Variants in EML6 observed in about 807,000 individuals in gnomAD.
EML6 encodes the protein echinoderm microtubule-associated protein-like 6.
A neutral mutation model predicts 240.1 loss-of-function variants in EML6; 154 were observed. The observed-to-expected ratio is 0.64, with a 90% CI of 0.56 to 0.73. The LOEUF is 0.73. EML6 is among the 30% of genes least tolerant of loss of function. The pLI is 0.00. For synonymous variants in EML6, 1,148 were observed against 899.0 expected, an observed-to-expected ratio of 1.28 and a Z score of -4.95; for missense variants, 2,964 against 2,474.6, an observed-to-expected ratio of 1.20 and a Z score of -4.20.
At chr2:54,880,656 C>A (rs892610791) in intron 17 of EML6, 11 of 152,190 alleles carry the variant, frequency 7.2e-5, no homozygotes, top group Admixed American at 3.9e-4. Flanking sequence ...AATCTGCCTG[C>A]CCAAGTGGTT....
intron 17 of EML6, among the ~76,000 whole-genome samples, chr2:54,886,592 C>T (rs1672157930): frequency 6.6e-6 from 1 of 152,196 alleles, no homozygotes; most frequent in Non-Finnish European, 1.5e-5. Context: ...TCCAACTTCT[C>T]CACATTCTGG....
At position 54,788,077 on chromosome 2, in the gene EML6, C is replaced by T. The variant is rs138674891; in HGVS notation, c.198-25155C>T. On this transcript the variant is annotated intron_variant, in intron 2 of 41. Transcript: ENST00000356458. ...GTAAATTAGACCCCCTCCCTTCGCA[C>T]GTGTTTTCTTTAAACTAGCCAACCA... Among the ~76,000 whole-genome samples the T allele has an allele frequency of 6.0e-3, 911 of 152,278 alleles. 10 individuals are homozygous for T. The highest frequency in any genetic ancestry group is 0.018 in the African/African-American group (759 of 41,544).
At chr2:54,942,454 C>T (rs1376247740) in intron 28 of EML6, among the ~76,000 whole-genome samples, 1 of 152,144 alleles carries the variant, frequency 6.6e-6, no homozygotes, top group East Asian at 1.9e-4. Context: ...GGGGAATGGG[C>T]ACTACCAGGG....
At chr2:54,844,003 T>TGTGTGTGTGA (rs1287093036) in intron 7 of EML6, 44 bp from the exon 8 acceptor site, 2 of 1,223,698 alleles carry the variant, frequency 1.6e-6, no homozygotes, top group Admixed American at 4.0e-5. Flanking sequence ...TGTGTGTGTG[T>TGTGTGTGTGA]GAATAGTGTG....
At chr2:54,862,193 G>C (rs1206198149) in intron 12 of EML6, among the ~76,000 whole-genome samples, 2 of 151,754 alleles carry the variant, frequency 1.3e-5, no homozygotes, top group African/African-American at 2.4e-5. Context: ...ACAAAAATTA[G>C]CCAGGCAAGG....
At chr2:54,853,479 C>A (rs1168591407) in intron 10 of EML6, among the ~76,000 whole-genome samples, 164 bp from the exon 11 acceptor site, 6 of 135,314 alleles carry the variant, frequency 4.4e-5, no homozygotes, top group African/African-American at 1.5e-4. Context: ...TGTGGGCTTT[C>A]TTTAAGCCAC....
intron 2 of EML6, among the ~76,000 whole-genome samples, chr2:54,788,289 C>T (rs1669199123): frequency 6.6e-6 from 1 of 152,202 alleles, no homozygotes; most frequent in East Asian, 1.9e-4. Flanking sequence ...GTAAGTAACA[C>T]CGGCTTCTGT....
chr2:54,930,996 C>T lies in EML6; in HGVS notation c.4004+2245C>T, dbSNP rs368146232. On this transcript the variant is annotated intron_variant, in intron 28 of 41. Coordinates refer to ENST00000356458, the MANE Select transcript of EML6 (RefSeq NM_001039753.4). The stretch of plus-strand genomic sequence containing the variant: ...TTTTTGAGACGGAGTCTCGCTCTGT[C>T]GCCCAGGCTGGAGTGCAGTGGCGCG... Among the ~76,000 whole-genome samples, 453 of 125,784 alleles carry T rather than the reference C, an allele frequency of 3.6e-3. 1 individual carries two copies. The highest frequency in any genetic ancestry group is 0.012 in the African/African-American group (394 of 32,358). The allele number at this position is 125,784 out of a possible 152,430, so 82.5% of individuals were successfully genotyped here. A position where few individuals can be genotyped will look rare whatever the true frequency, so the allele number is the denominator to read the frequency against.
rs774224979 is a variant in EML6, at chr2:54,859,640, T to A, written c.1764T>A (p.Val588=). Residue 588 remains valine, a synonymous_variant, in exon 12 of 42, where the codon GTT becomes GTA. Transcript: ENST00000356458. ...GCACAGGAGGGGCTGATCACTCAGTTTTCCAGTGGAGGTTTATTCCAGAAG... is the reference window on the plus strand; with the variant it reads ...GCACAGGAGGGGCTGATCACTCAGTATTCCAGTGGAGGTTTATTCCAGAAG... ...VLSTGGADHS[V]FQWRFIPEGV... 2.6e-5 allele frequency: 40 copies of A among 1,551,220 alleles called. No individual in the cohort carries two copies. The highest frequency in any genetic ancestry group is 3.5e-5 in the Non-Finnish European group (40 of 1,146,864).
At chr2:54,800,747 T>C (rs1670092736) in intron 2 of EML6, among the ~76,000 whole-genome samples, 1 of 152,080 alleles carries the variant, frequency 6.6e-6, no homozygotes, top group Admixed American at 6.5e-5. Flanking sequence ...CAAGCAGCTT[T>C]TTTACTCTCA....
intron 32 of EML6, 50 bp downstream of exon 32, chr2:54,954,206 GTCGAGCCTGTGGGC>G: frequency 6.7e-7 from 1 of 1,493,468 alleles, no homozygotes. Flanking sequence ...GCCTGTGGGT[GTCGAGCCTGTGGGC>G]TCGAACCCAG....
chr2:54,780,791 ATG>A (rs1360589907), intron 2 of EML6, among the ~76,000 whole-genome samples: 3 of 152,218 alleles, frequency 2.0e-5, no homozygotes, highest in African/African-American at 7.2e-5. Flanking sequence ...AAACTACATT[ATG>A]GCTTGTGAGT....
chr2:54,924,764 T>A (rs1674454527), intron 26 of EML6, among the ~76,000 whole-genome samples: 1 of 152,168 alleles, frequency 6.6e-6, no homozygotes, highest in African/African-American at 2.4e-5. Flanking sequence ...GGTTTCGCCG[T>A]GTTGGCCAGA....
intron 12 of EML6, among the ~76,000 whole-genome samples, chr2:54,862,184 C>T (rs191434400): frequency 2.6e-5 from 4 of 151,314 alleles, no homozygotes; most frequent in South Asian, 2.1e-4. Flanking sequence ...ACTAAAAATA[C>T]AAAAATTAGC....
At chr2:54,966,968 G>A (rs923399308) in intron 38 of EML6, 32 bp from the exon 39 acceptor site, 33 of 1,423,196 alleles carry the variant, frequency 2.3e-5, no homozygotes, top group Admixed American at 2.0e-4. Flanking sequence ...GAGAAAGAAC[G>A]TTGATGAACA....
At chr2:54,907,098 C>T (rs748167798) in intron 24 of EML6, among the ~76,000 whole-genome samples, 1 of 152,096 alleles carries the variant, frequency 6.6e-6, no homozygotes, top group Non-Finnish European at 1.5e-5. Context: ...ATGAAAGCTC[C>T]AGCATGGAAT....
intron 14 of EML6, chr2:54,867,901 C>T (rs190553693): frequency 1.3e-5 from 2 of 152,110 alleles, no homozygotes; most frequent in East Asian, 3.9e-4. Flanking sequence ...CCTTTGTCAC[C>T]ATGTCATACC....
At chr2:54,887,829 G>C (rs1164537431) in intron 17 of EML6, among the ~76,000 whole-genome samples, 1 of 152,114 alleles carries the variant, frequency 6.6e-6, no homozygotes, top group Non-Finnish European at 1.5e-5. Flanking sequence ...ATTACCTCCT[G>C]CCTCCTCATA....
intron 28 of EML6, among the ~76,000 whole-genome samples, chr2:54,931,133 A>G (rs1421715544): frequency 6.6e-6 from 1 of 151,554 alleles, no homozygotes; most frequent in Admixed American, 6.6e-5. Flanking sequence ...AATTTTTTGT[A>G]TTTTTAGTAG....
Sources: gnomAD v4.1 joint callset for allele counts (sites outside exome capture counted in the v4.1 genomes callset) on GRCh38, gnomAD v4.1.1 for gene constraint, MANE v1.5 for transcripts, NCBI Gene and HGNC (gene_info 2026-07-23, HGNC 2026-07-21) for gene names.